CRISPLD2: variants seen among roughly 807,000 people sequenced by gnomAD.
The protein encoded by CRISPLD2 is cysteine-rich secretory protein LCCL domain-containing 2.
A neutral mutation model predicts 71.1 loss-of-function variants in CRISPLD2; 47 were observed. That is an observed-to-expected ratio of 0.66 (90% confidence interval 0.52 to 0.84). The LOEUF (loss-of-function observed/expected upper bound fraction) is 0.84, where lower values mean the gene tolerates loss of function less well. Among genes scored for constraint, CRISPLD2 ranks in the 40% least tolerant of loss-of-function variants. The pLI is 0.00. For synonymous variants in CRISPLD2, 317 were observed against 250.1 expected (o/e 1.27, Z -2.52); for missense variants, 830 against 651.1 (o/e 1.27, Z -2.99).
chr16:84,830,395 A>G (rs996535074), intron 1 of CRISPLD2, among the ~76,000 whole-genome samples: 2 of 152,176 alleles, frequency 1.3e-5, no homozygotes, highest in African/African-American at 4.8e-5. Context: ...TAAACGTTAG[A>G]TTATAAAAAC....
chr16:84,836,347 C>G (rs544633529), intron 1 of CRISPLD2: 3 of 152,154 alleles, frequency 2.0e-5, no homozygotes, highest in Non-Finnish European at 4.4e-5. Context: ...GCTGGAAATG[C>G]TCATATATGG....
chr16:84,861,814 C>G (rs1917389953), intron 6 of CRISPLD2, among the ~76,000 whole-genome samples: 1 of 152,176 alleles, frequency 6.6e-6, no homozygotes, highest in African/African-American at 2.4e-5. Context: ...GTGGTCCTGG[C>G]TGTGGCCTGG....
Position 84,856,714 on chromosome 16 carries a change from C to A in CRISPLD2, c.709+1885C>A, listed in dbSNP as rs185846053. Among the ~76,000 whole-genome samples, 443 of 152,294 alleles carry A rather than the reference C, an allele frequency of 2.9e-3. 3 individuals carry two copies. Among genetic ancestry groups the A allele is most frequent in the African/African-American group, 0.01 (427 of 41,560 alleles). ...CCCCAGCCCTGCCAAGTATTGTCAC[C>A]TAGTTGGCATTGTAATTGTGACTTC... On this transcript the variant is annotated intron_variant, in intron 6 of 14. Transcript: ENST00000262424.
intron 6 of CRISPLD2, among the ~76,000 whole-genome samples, chr16:84,859,331 C>G (rs1917322808): frequency 6.6e-6 from 1 of 152,166 alleles, no homozygotes; most frequent in South Asian, 2.1e-4. Context: ...AACTGGAGGA[C>G]CACAGTGATG....
chr16:84,866,852 T>C (rs937424719), intron 6 of CRISPLD2, 45 bp from the exon 7 acceptor site: 5 of 1,575,172 alleles, frequency 3.2e-6, no homozygotes, highest in Middle Eastern at 1.7e-4. Context: ...GCGTTTTTGT[T>C]GAATCCCAGT....
intron 2 of CRISPLD2, chr16:84,839,307 C>G (rs887451561): frequency 1.6e-5 from 4 of 256,730 alleles, no homozygotes; most frequent in African/African-American, 6.8e-5. Context: ...CAGCCTTTCC[C>G]ACCTGGAGGC....
At chr16:84,898,544 C>T (rs1415088049) in intron 14 of CRISPLD2, among the ~76,000 whole-genome samples, 1 of 152,176 alleles carries the variant, frequency 6.6e-6, no homozygotes, top group African/African-American at 2.4e-5. Flanking sequence ...CCCTAGGCAG[C>T]GTTCTCCACC....
intron 3 of CRISPLD2, 154 bp from the exon 4 acceptor site, chr16:84,849,231 C>G (rs549850027): frequency 4.6e-5 from 34 of 736,796 alleles, no homozygotes; most frequent in Non-Finnish European, 7.5e-5. Context: ...CCTCCTCGGC[C>G]TCCCTCCCTC....
At chr16:84,905,066 G>T (rs1407395015) in intron 14 of CRISPLD2, among the ~76,000 whole-genome samples, 1 of 152,024 alleles carries the variant, frequency 6.6e-6, no homozygotes, top group African/African-American at 2.4e-5. Context: ...GGATCACTTG[G>T]GCCCAGGAGT....
At chr16:84,854,968 C>G in intron 6 of CRISPLD2, 139 bp downstream of exon 6, 4 of 689,460 alleles carry the variant, frequency 5.8e-6, no homozygotes, top group Non-Finnish European at 1.0e-5. Context: ...GCACATTCCT[C>G]CCGCCTCCGT....
intron 6 of CRISPLD2, among the ~76,000 whole-genome samples, chr16:84,863,753 G>A (rs1020368108): frequency 2.0e-5 from 3 of 152,138 alleles, no homozygotes; most frequent in Non-Finnish European, 4.4e-5. Context: ...GCAGATCACC[G>A]AGGTCGGGAG....
chr16:84,860,470 CAA>C, intron 6 of CRISPLD2, among the ~76,000 whole-genome samples: 1 of 152,192 alleles, frequency 6.6e-6, no homozygotes, highest in South Asian at 2.1e-4. Flanking sequence ...GGTCTAGAAG[CAA>C]ACAGGGATGT....
intron 2 of CRISPLD2, among the ~76,000 whole-genome samples, chr16:84,842,711 AG>A (rs747201207): frequency 1.3e-5 from 2 of 151,982 alleles, no homozygotes; most frequent in Admixed American, 1.3e-4. Context: ...CTGAGAGCAG[AG>A]GGGGCTTGTT....
Position 84,845,772 on chromosome 16 carries a change from T to G in CRISPLD2, c.241-14T>G, listed in dbSNP as rs1916896193. On this transcript the variant is annotated splice_polypyrimidine_tract_variant and intron_variant, in intron 2 of 14. Transcript: ENST00000262424. ...ACCCTCACCTCCTGGTGCCCGTTTC[T>G]CCTTCTCCTGCAGACCTGGGATGAC... is the stretch of plus-strand genomic sequence containing the variant. 6.3e-7 allele frequency: 1 copy of G among 1,589,720 alleles called. No homozygotes were observed. Among genetic ancestry groups the G allele is most frequent in the Non-Finnish European group, 8.6e-7 (1 of 1,159,222 alleles).
chr16:84,834,279 C>T (rs979515751), intron 1 of CRISPLD2, among the ~76,000 whole-genome samples: 1 of 152,226 alleles, frequency 6.6e-6, no homozygotes, highest in Non-Finnish European at 1.5e-5. Context: ...CTGGCGTGAG[C>T]CCCTTCTTGA....
chr16:84,854,302 A>G (rs981990866), intron 5 of CRISPLD2, among the ~76,000 whole-genome samples: 1 of 152,172 alleles, frequency 6.6e-6, no homozygotes, highest in African/African-American at 2.4e-5. Context: ...GGTGTGTGGT[A>G]AAAACTGGGA....
chr16:84,838,218 G>C (rs112261464), intron 1 of CRISPLD2, among the ~76,000 whole-genome samples: 92 of 152,314 alleles, frequency 6.0e-4, no homozygotes, highest in African/African-American at 2.2e-3. Flanking sequence ...AATCCTGACA[G>C]CTTGCCTCGC....
chr16:84,890,499 G>A (rs569582555), intron 14 of CRISPLD2, among the ~76,000 whole-genome samples: 4 of 152,310 alleles, frequency 2.6e-5, no homozygotes, highest in African/African-American at 7.2e-5. Context: ...ACTGTAGCGC[G>A]TTTCTCTTCG....
At chr16:84,843,365 C>G (rs1916827918) in intron 2 of CRISPLD2, among the ~76,000 whole-genome samples, 1 of 152,222 alleles carries the variant, frequency 6.6e-6, no homozygotes, top group Non-Finnish European at 1.5e-5. Context: ...TCAACCCTGC[C>G]TGCTGTGGCT....
Sources: gnomAD v4.1 joint callset for allele counts (sites outside exome capture counted in the v4.1 genomes callset) on GRCh38, gnomAD v4.1.1 for gene constraint, MANE v1.5 for transcripts, NCBI Gene and HGNC (gene_info 2026-07-23, HGNC 2026-07-21) for gene names.